Variants in COL24A1 observed in about 807,000 individuals in gnomAD.
The protein encoded by COL24A1 is collagen alpha-1(XXIV) chain.
COL24A1 carries 224 observed loss-of-function variants against 253.9 expected under a neutral mutation model. The ratio of observed to expected loss-of-function variants is 0.88; its 90% confidence interval spans 0.79 to 0.99. COL24A1 has a LOEUF of 0.99. COL24A1 is among the 50% of genes least tolerant of loss of function. The pLI, the probability that COL24A1 is intolerant of heterozygous loss-of-function variation, is 0.00. For missense variants in COL24A1, 2,131 were observed against 2,068.5 expected (o/e 1.03, Z -0.59); for synonymous variants, 685 against 673.7 (o/e 1.02, Z -0.26).
At chr1:85,830,435 T>C (rs897379043) in intron 43 of COL24A1, among the ~76,000 whole-genome samples, 11 of 152,146 alleles carry the variant, frequency 7.2e-5, no homozygotes, top group African/African-American at 2.7e-4. Context: ...CTCCTTGAGC[T>C]GTGGTGGGCT....
intron 2 of COL24A1, 72 bp from the exon 3 acceptor site, chr1:86,126,286 A>G: frequency 7.3e-7 from 1 of 1,378,964 alleles, no homozygotes; most frequent in East Asian, 2.4e-5. Context: ...AAATGTTTGA[A>G]TATGATAAAA....
intron 55 of COL24A1, among the ~76,000 whole-genome samples, chr1:85,747,198 G>A (rs930931932): frequency 6.9e-6 from 1 of 144,418 alleles, no homozygotes; most frequent in South Asian, 2.2e-4. Flanking sequence ...TGCAACCTCC[G>A]CTTCCCAGGT....
intron 23 of COL24A1, among the ~76,000 whole-genome samples, chr1:85,963,468 A>T (rs1249352830): frequency 6.6e-6 from 1 of 152,178 alleles, no homozygotes; most frequent in Non-Finnish European, 1.5e-5. Flanking sequence ...TTGTTTGCAG[A>T]TTACTTGCAT....
intron 24 of COL24A1, among the ~76,000 whole-genome samples, chr1:85,960,117 A>T (rs935427385): frequency 6.6e-6 from 1 of 152,208 alleles, no homozygotes; most frequent in Non-Finnish European, 1.5e-5. Context: ...ATTAACAATT[A>T]ATAACAAAAA....
chr1:85,799,533 T>C (rs753209316), intron 47 of COL24A1, among the ~76,000 whole-genome samples: 1 of 152,158 alleles, frequency 6.6e-6, no homozygotes, highest in Non-Finnish European at 1.5e-5. Flanking sequence ...ATACTTCTCT[T>C]AGAAATCACT....
At chr1:85,775,382 T>C (rs1402205122) in intron 53 of COL24A1, among the ~76,000 whole-genome samples, 3 of 152,184 alleles carry the variant, frequency 2.0e-5, no homozygotes, top group African/African-American at 7.2e-5. Flanking sequence ...AGATGTCTAT[T>C]AGGTCCGCTT....
At chr1:86,079,777 T>C (rs749106423) in intron 7 of COL24A1, among the ~76,000 whole-genome samples, 3 of 152,170 alleles carry the variant, frequency 2.0e-5, no homozygotes, top group Non-Finnish European at 4.4e-5. Context: ...AAAAGAATGC[T>C]GGCGAGGATG....
chr1:85,776,843 T>C (rs1668595058), intron 52 of COL24A1, among the ~76,000 whole-genome samples: 1 of 152,160 alleles, frequency 6.6e-6, no homozygotes, highest in South Asian at 2.1e-4. Flanking sequence ...AAGCTAAGAA[T>C]ACTATCTTAT....
intron 24 of COL24A1, among the ~76,000 whole-genome samples, chr1:85,948,260 C>T (rs1309430133): frequency 6.6e-6 from 1 of 152,068 alleles, no homozygotes; most frequent in Non-Finnish European, 1.5e-5. Flanking sequence ...CGCGGTGGCT[C>T]ACGCCTGTAA....
intron 10 of COL24A1, among the ~76,000 whole-genome samples, chr1:86,056,131 A>C (rs1700646944): frequency 6.7e-6 from 1 of 149,532 alleles, no homozygotes; most frequent in Non-Finnish European, 1.5e-5. Flanking sequence ...AAAAAAAAAA[A>C]AGCCTATCTA....
At chr1:85,773,342 T>C (rs1668175755) in intron 53 of COL24A1, among the ~76,000 whole-genome samples, 2 of 152,236 alleles carry the variant, frequency 1.3e-5, no homozygotes, top group African/African-American at 2.4e-5. Context: ...AGGATTGTCT[T>C]GGCTATGTGG....
intron 24 of COL24A1, among the ~76,000 whole-genome samples, chr1:85,956,520 T>C (rs918205937): frequency 3.3e-5 from 5 of 152,218 alleles, no homozygotes; most frequent in Non-Finnish European, 7.3e-5. Context: ...CTTACTTTGT[T>C]CACCAAAGTC....
rs781712101 is a variant in COL24A1 at position 85,729,589 on chromosome 1, A to G, written c.*957T>C. Reference sequence around the variant, plus strand: ...ATAATTTAAAACAGCAGCAATTTCAAAAAATTTGCTGAATTAAAACTTTAC... The same window carrying G: ...ATAATTTAAAACAGCAGCAATTTCAGAAAATTTGCTGAATTAAAACTTTAC... On this transcript the variant is annotated 3_prime_UTR_variant, in exon 60 of 60. Coordinates refer to ENST00000370571, the MANE Select transcript of COL24A1 (RefSeq NM_152890.7). The G allele has an allele frequency of 6.6e-6, 1 of 152,648 alleles. No homozygotes were observed. The highest frequency in any genetic ancestry group is 1.5e-5 in the Non-Finnish European group (1 of 68,028). 9.5% of individuals were successfully genotyped at this position (152,648 alleles called of 1,614,324 possible). A position where few individuals can be genotyped will look rare whatever the true frequency, so the allele number is the denominator to read the frequency against.
intron 43 of COL24A1, among the ~76,000 whole-genome samples, chr1:85,834,156 G>A (rs1487119584): frequency 2.0e-5 from 3 of 151,854 alleles, no homozygotes; most frequent in African/African-American, 7.3e-5. Flanking sequence ...CAAAAAAATG[G>A]TGAGAGCCTG....
chr1:85,938,499 C>G lies in COL24A1; in HGVS notation c.2562+22750G>C, dbSNP rs115597757. ...CAGAAGAGGGAGAAGATTAATATCA[C>G]TGAAGTCTTAAAATCAGCTGCAGTG... On this transcript the variant is annotated intron_variant, in intron 24 of 59. Transcript: ENST00000370571. Among the ~76,000 whole-genome samples, 1,096 of 146,878 alleles carry G rather than the reference C, an allele frequency of 7.5e-3. 82 individuals are homozygous for G. The highest frequency in any genetic ancestry group is 0.025 in the African/African-American group (985 of 40,118).
intron 24 of COL24A1, among the ~76,000 whole-genome samples, chr1:85,926,564 A>C (rs1226879093): frequency 2.0e-5 from 3 of 152,084 alleles, no homozygotes; most frequent in African/African-American, 7.2e-5. Flanking sequence ...AACTATCACA[A>C]GGACATAAGA....
chr1:85,829,100 C>T (rs1223724527), intron 43 of COL24A1, among the ~76,000 whole-genome samples: 1 of 150,972 alleles, frequency 6.6e-6, no homozygotes, highest in Non-Finnish European at 1.5e-5. Context: ...CCTTCAGGAG[C>T]TCTTTTAGGG....
intron 47 of COL24A1, among the ~76,000 whole-genome samples, chr1:85,791,634 C>T (rs1670284726): frequency 6.6e-6 from 1 of 151,970 alleles, no homozygotes; most frequent in Admixed American, 6.6e-5. Context: ...TCAAGAGAAC[C>T]TAATAGAATT....
At chr1:86,155,150 T>C (rs969138099) in intron 1 of COL24A1, 2 of 152,076 alleles carry the variant, frequency 1.3e-5, no homozygotes, top group African/African-American at 4.8e-5. Flanking sequence ...TCCTCTTCAC[T>C]GTTGCATGGG....
Sources: allele counts gnomAD v4.1 joint callset (sites outside exome capture counted in the v4.1 genomes callset), GRCh38; gene constraint gnomAD v4.1.1; transcripts MANE v1.5; gene names NCBI Gene and HGNC (gene_info 2026-07-23, HGNC 2026-07-21).